Variants in DNAH9 observed in about 807,000 individuals in gnomAD.
DNAH9 encodes dynein axonemal heavy chain 9.
Under a neutral mutation model 471.6 loss-of-function variants are expected in DNAH9, and 345 were observed. The observed-to-expected ratio is 0.73, with a 90% confidence interval of 0.67 to 0.80. The LOEUF is 0.80. DNAH9 is among the 30% of genes least tolerant of loss of function. DNAH9 has a pLI of 0.00. For missense variants in DNAH9, 5,407 were observed against 5,609.2 expected, an observed-to-expected ratio of 0.96 and a Z score of 1.15; for synonymous variants, 2,093 against 2,123.6, an observed-to-expected ratio of 0.99 and a Z score of 0.40.
At chr17:11,736,623 A>G (rs548028611) in intron 28 of DNAH9, among the ~76,000 whole-genome samples, 10 of 152,340 alleles carry the variant, frequency 6.6e-5, no homozygotes, top group African/African-American at 2.2e-4. Flanking sequence ...TGTCCTGTAC[A>G]AGCCAGCCTA....
At chr17:11,776,782 A>T (rs1597630398) in intron 38 of DNAH9, among the ~76,000 whole-genome samples, 1 of 152,216 alleles carries the variant, frequency 6.6e-6, no homozygotes, top group East Asian at 1.9e-4. Context: ...AGGCCCTTCC[A>T]TCAGTCATTG....
chr17:11,679,620 T>G lies in DNAH9; in HGVS notation c.3354-137T>G, dbSNP rs1338019265. On this transcript the variant is annotated intron_variant, in intron 17 of 68. Transcript: ENST00000262442. ...ATTCTTAACATCAGAGCATAGTCTA[T>G]GCAGAGTGCTTAGTCAAGTGTTGGG... 1.9e-5 allele frequency: 13 copies of G among 678,090 alleles called. No homozygotes were observed. In the East Asian group the frequency reaches 3.1e-4, roughly 16 times the overall value. 42.0% of individuals were successfully genotyped at this position (678,090 alleles called of 1,614,324 possible). A position where few individuals can be genotyped will look rare whatever the true frequency, so the allele number is the denominator to read the frequency against.
At chr17:11,912,674 T>C (rs930119897) in intron 61 of DNAH9, among the ~76,000 whole-genome samples, 2 of 152,216 alleles carry the variant, frequency 1.3e-5, no homozygotes, top group Non-Finnish European at 2.9e-5. Flanking sequence ...GGTGTACTAG[T>C]GTATAATTCT....
At chr17:11,690,671 G>A (rs74610583) in intron 20 of DNAH9, among the ~76,000 whole-genome samples, 17,202 of 148,674 alleles carry the variant, frequency 0.12, 1,242 homozygotes, top group Middle Eastern at 0.19. Context: ...GAAAAAGAAA[G>A]GAAAACCTCA....
chr17:11,688,082 C>CAAAAAAAAAAAAAAAAAA (rs145792851), intron 19 of DNAH9, among the ~76,000 whole-genome samples: 1 of 59,674 alleles, frequency 1.7e-5, no homozygotes, highest in African/African-American at 6.6e-5. Context: ...TGCAGTAAGC[C>CAAAAAAAAAAAAAAAAAA]AAAAAAAAAA....
chr17:11,729,921 T>C (rs937477235), intron 28 of DNAH9, among the ~76,000 whole-genome samples: 6 of 152,196 alleles, frequency 3.9e-5, no homozygotes, highest in Admixed American at 1.3e-4. Context: ...GCCACCTTCA[T>C]CTCCAGCTGC....
chr17:11,695,022 G>A (rs2074449282), intron 22 of DNAH9, among the ~76,000 whole-genome samples: 1 of 150,540 alleles, frequency 6.6e-6, no homozygotes, highest in African/African-American at 2.5e-5. Flanking sequence ...CCGCGTAGCT[G>A]GGACCACAGG....
At chr17:11,699,691 A>C in intron 22 of DNAH9, 40 bp from the exon 23 acceptor site, 1 of 1,600,322 alleles carries the variant, frequency 6.2e-7, no homozygotes, top group Non-Finnish European at 8.6e-7. Context: ...CAGCTTCCCG[A>C]ACATGTTTTA....
chr17:11,659,071 C>T (rs1194306669), intron 14 of DNAH9, among the ~76,000 whole-genome samples: 3 of 151,898 alleles, frequency 2.0e-5, no homozygotes, highest in Non-Finnish European at 4.4e-5. Context: ...CTTAACTCAA[C>T]CTTAAATATG....
rs1304697713 is a variant in DNAH9, at chr17:11,881,301, A to G, written c.10694A>G (p.Glu3565Gly). 1 of 1,614,146 alleles carries G rather than the reference A, an allele frequency of 6.2e-7. No homozygotes were observed. The highest frequency in any genetic ancestry group is 8.5e-7 in the Non-Finnish European group (1 of 1,180,022). ...TKLANPHYQP[E>G]LQAQATLINF... The stretch of plus-strand genomic sequence containing the variant: ...CTGGCTAATCCTCACTACCAGCCTG[A>G]GCTGCAGGCTCAGGCCACCCTGATC... Residue 3565 changes from glutamate to glycine, a missense_variant, in exon 55 of 69, where the codon GAG (glutamate) becomes GGG (glycine). By Grantham distance (98) the Glu-to-Gly change is moderately conservative. This residue lies in a region of DNAH9 where 4,636 missense variants were observed against 4,900.3 expected (regional missense o/e 0.95). Coordinates refer to ENST00000262442, the MANE Select transcript of DNAH9 (RefSeq NM_001372.4).
chr17:11,856,033 C>G (rs143572985), intron 50 of DNAH9, among the ~76,000 whole-genome samples: 37 of 152,268 alleles, frequency 2.4e-4, no homozygotes, highest in East Asian at 7.7e-4. Flanking sequence ...GAGCTGCCCC[C>G]CTGCTGTGTG....
At chr17:11,678,016 ATC>A (rs1199466344) in intron 17 of DNAH9, among the ~76,000 whole-genome samples, 1 of 135,368 alleles carries the variant, frequency 7.4e-6, no homozygotes, top group South Asian at 2.4e-4. Context: ...ATATATATAT[ATC>A]TATATATACA....
rs542367185 is a variant in DNAH9, at chr17:11,747,613, G to A, written c.6457G>A (p.Ala2153Thr). 73 of 1,614,052 alleles carry A rather than the reference G, an allele frequency of 4.5e-5. No individual in the cohort carries two copies. Among genetic ancestry groups the A allele is most frequent in the Middle Eastern group, 3.3e-4 (2 of 6,014 alleles). Residue 2153 changes from alanine to threonine, a missense_variant, in exon 32 of 69, where the codon GCT (alanine) becomes ACT (threonine). Physicochemically the swap from Ala to Thr is moderately conservative, Grantham distance 58. Transcript: ENST00000262442. Reference sequence around the variant, plus strand: ...GCACTCTGTATTTGTGGTGGGTGGCGCTGGTACCGGCAAGTCACAGGTGCT... The same window carrying A: ...GCACTCTGTATTTGTGGTGGGTGGCACTGGTACCGGCAAGTCACAGGTGCT... ...VRHSVFVVGG[A>T]GTGKSQVLRS...
At chr17:11,878,025 C>T (rs565952602) in intron 53 of DNAH9, among the ~76,000 whole-genome samples, 4 of 152,158 alleles carry the variant, frequency 2.6e-5, no homozygotes, top group Non-Finnish European at 4.4e-5. Flanking sequence ...TGAACCACCG[C>T]GCCCGGCCAA....
chr17:11,770,532 G>A (rs1435525427), intron 38 of DNAH9, among the ~76,000 whole-genome samples: 4 of 151,982 alleles, frequency 2.6e-5, no homozygotes, highest in Admixed American at 6.6e-5. Flanking sequence ...CCCCCCACCC[G>A]CCCTTCGATG....
At position 11,747,712 on chromosome 17, in the gene DNAH9, A is replaced by G. The variant is rs781517380; in HGVS notation, c.6556A>G (p.Thr2186Ala). Residue 2186 changes from threonine (T) to alanine (A), a missense_variant, in exon 32 of 69, where the codon ACA (threonine) becomes GCA (alanine). By Grantham distance (58) the Thr-to-Ala change is moderately conservative. Transcript: ENST00000262442. ...VWTDLNPKAV[T>A]NDELFGIINP... ...GACTGACCTCAATCCCAAAGCAGTC[A>G]CAAATGATGAGCTCTTTGGCATCAT... 2 of 1,614,194 alleles carry G rather than the reference A, an allele frequency of 1.2e-6. No individual in the cohort carries two copies. Among genetic ancestry groups the G allele is most frequent in the Non-Finnish European group, 1.7e-6 (2 of 1,180,034 alleles).
At chr17:11,640,428 G>A in intron 10 of DNAH9, 44 bp downstream of exon 10, 1 of 1,266,814 alleles carries the variant, frequency 7.9e-7, no homozygotes, top group Non-Finnish European at 1.2e-6. Flanking sequence ...TTGGGCTGCT[G>A]TTCCTGCTCT....
chr17:11,875,126 A>C lies in DNAH9; in HGVS notation c.10420A>C (p.Lys3474Gln). ...LMVDPQLQGI[K>Q]WIKNKYGEDL... ...GGTTGACCCTCAGCTACAAGGCATC[A>C]AATGGATCAAGAATAAATATGGTGA... Residue 3474 changes from lysine (K) to glutamine (Q), a missense_variant, in exon 53 of 69, where the codon AAA becomes CAA. This residue lies in a region of DNAH9 where 4,636 missense variants were observed against 4,900.3 expected (regional missense o/e 0.95). Transcript: ENST00000262442. 1.2e-6 allele frequency: 2 copies of C among 1,614,214 alleles called. No homozygotes were observed. The highest frequency in any genetic ancestry group is 8.5e-7 in the Non-Finnish European group (1 of 1,180,038).
At position 11,661,059 on chromosome 17, in the gene DNAH9, C is replaced by T. The variant is rs186391864; in HGVS notation, c.2596-3774C>T. Among the ~76,000 whole-genome samples the T allele has an allele frequency of 4.1e-3, 602 of 148,322 alleles. 5 individuals carry two copies. Among genetic ancestry groups the T allele is most frequent in the African/African-American group, 0.015 (569 of 38,044 alleles). ...CATGTGTTTGAAGTTCTGTTAAGTT[C>T]TGTTATAATAACTATAAATTTCACA... On this transcript the variant is annotated intron_variant, in intron 14 of 68. Transcript: ENST00000262442.
Sources: allele counts gnomAD v4.1 joint callset (sites outside exome capture counted in the v4.1 genomes callset), GRCh38; gene constraint gnomAD v4.1.1; regional missense constraint gnomAD v4.1.1; transcripts MANE v1.5; gene names NCBI Gene and HGNC (gene_info 2026-07-23, HGNC 2026-07-21).